DHCR7: variants seen among roughly 807,000 people sequenced by gnomAD.
DHCR7 encodes 7-dehydrocholesterol reductase.
DHCR7 carries 40 observed loss-of-function variants against 43.3 expected under a neutral mutation model. That is an observed-to-expected ratio of 0.92 (90% CI 0.72 to 1.20). The LOEUF (loss-of-function observed/expected upper bound fraction) is 1.20, where lower values mean the gene tolerates loss of function less well. Among genes scored for constraint, DHCR7 ranks in the 50% most tolerant of loss-of-function variants. The pLI is 0.00. For synonymous variants in DHCR7, 298 were observed against 271.4 expected, an observed-to-expected ratio of 1.10 and a Z score of -0.96; for missense variants, 608 against 644.6, an observed-to-expected ratio of 0.94 and a Z score of 0.62.
chr11:71,430,111 C>T (rs1949221165), downstream of DHCR7, among the ~76,000 whole-genome samples: 1 of 152,212 alleles, frequency 6.6e-6, no homozygotes, highest in African/African-American at 2.4e-5. Context: ...ATCTGCCCAT[C>T]CTGATGAAAT....
At chr11:71,438,358 C>T (rs1057486630) in intron 7 of DHCR7, among the ~76,000 whole-genome samples, 1 of 152,194 alleles carries the variant, frequency 6.6e-6, no homozygotes, top group African/African-American at 2.4e-5. Context: ...CCGAATGCAC[C>T]TGATCGCTGC....
intron 6 of DHCR7, 109 bp downstream of exon 6, chr11:71,441,118 G>C (rs544442123): frequency 9.8e-7 from 1 of 1,016,598 alleles, no homozygotes; most frequent in Non-Finnish European, 1.5e-6. Flanking sequence ...CCTCTTCCAC[G>C]GATTCTCAGT....
intron 4 of DHCR7, 82 bp downstream of exon 4, chr11:71,443,911 C>A (rs561574250): frequency 1.8e-5 from 21 of 1,158,904 alleles, no homozygotes; most frequent in Non-Finnish European, 2.4e-5. Flanking sequence ...GATCCATGTC[C>A]CAGACAAATG....
At position 71,441,213 on chromosome 11, in the gene DHCR7, T is replaced by C; in HGVS notation, c.626+14A>G. ...ACTTTCTACATCAGGCTGGACCCGC[T>C]GCTAAGAACATACCAGTCTCTGGCG... On this transcript the variant is annotated intron_variant, in intron 6 of 8. Transcript: ENST00000355527. 6.2e-7 allele frequency: 1 copy of C among 1,613,762 alleles called. No individual in the cohort carries two copies. Among genetic ancestry groups the C allele is most frequent in the Non-Finnish European group, 8.5e-7 (1 of 1,179,652 alleles).
Position 71,435,216 on chromosome 11 carries a change from G to T in DHCR7, c.*159C>A. ...CTTGAAGGCAAAAGCAAGGAACAGA[G>T]CGTGATTAGGTACTGGACACCTGCC... On this transcript the variant is annotated 3_prime_UTR_variant, in exon 9 of 9. Transcript: ENST00000355527. 2 of 746,098 alleles carry T rather than the reference G, an allele frequency of 2.7e-6. No homozygotes were observed. The highest frequency in any genetic ancestry group is 2.3e-6 in the Non-Finnish European group (1 of 432,726). 46.2% of individuals were successfully genotyped at this position (746,098 alleles called of 1,614,324 possible).
At position 71,444,091 on chromosome 11, in the gene DHCR7, T is replaced by G; in HGVS notation, c.223A>C (p.Ile75Leu). ...GAGAGCCGAGCATGTCCGGTGACGA[T>G]GTCCACCACAGGGCCAGTCAGGGCG... The part of the protein sequence containing the change: ...SCALTGPVVD[I>L]VTGHARLSDI... Residue 75 changes from isoleucine to leucine, a missense_variant, in exon 4 of 9, where the codon ATC becomes CTC. Ile to Leu is a conservative substitution (Grantham distance 5). Transcript: ENST00000355527. 2 of 1,613,624 alleles carry G rather than the reference T, an allele frequency of 1.2e-6. No homozygotes were observed. The highest frequency in any genetic ancestry group is 2.2e-5 in the South Asian group (2 of 90,902).
In DHCR7 at chr11:71,435,593, G is replaced by C. The variant is rs61757582; in HGVS notation, c.1210C>G (p.Arg404Gly). Residue 404 changes from arginine to glycine, a missense_variant, in exon 9 of 9, where the codon CGC becomes GGC. Transcript: ENST00000355527. ...LLVSGFWGVA[R>G]HFNYVGDLMG... ...AGGTCGCCGACGTAGTTGAAGTGGC[G>C]GGCCACGCCCCAGAAGCCCGACACC... 7 of 1,609,664 alleles carry C rather than the reference G, an allele frequency of 4.3e-6. No homozygotes were observed. Among genetic ancestry groups the C allele is most frequent in the Non-Finnish European group, 5.1e-6 (6 of 1,179,660 alleles).
chr11:71,430,863 G>T (rs1321369625), downstream of DHCR7, among the ~76,000 whole-genome samples: 1 of 152,172 alleles, frequency 6.6e-6, no homozygotes, highest in Admixed American at 6.5e-5. Context: ...GCAGTAAAAG[G>T]TTAAAACTAG....
intron 2 of DHCR7, among the ~76,000 whole-genome samples, chr11:71,445,266 C>T (rs1022816022): frequency 6.6e-6 from 1 of 152,252 alleles, no homozygotes; most frequent in Non-Finnish European, 1.5e-5. Context: ...CTCCCTCCTA[C>T]ACACCACTCT....
chr11:71,439,157 G>T, intron 6 of DHCR7, 74 bp from the exon 7 acceptor site: 1 of 1,449,574 alleles, frequency 6.9e-7, no homozygotes, highest in Non-Finnish European at 9.5e-7. Context: ...TACTTAGCGA[G>T]AGCCCAGCAC....
chr11:71,439,050 C>A lies in DHCR7; in HGVS notation c.660G>T (p.Met220Ile), dbSNP rs767377692. The change falls in exon 7 of 9, where the codon ATG becomes ATT. Residue 220 changes from methionine (M) to isoleucine (I), a missense_variant. Physicochemically the swap from Met to Ile is conservative, Grantham distance 10. Transcript: ENST00000355527. ...KFTGNFFYNY[M>I]MGIEFNPRIG... ...TCCGAGGGTTAAACTCGATGCCCAT[C>A]ATGTAGTTGTAAAAGAAATTGCCTG... is the stretch of plus-strand genomic sequence containing the variant. The A allele has an allele frequency of 1.2e-6, 2 of 1,614,088 alleles. No individual in the cohort carries two copies. The highest frequency in any genetic ancestry group is 1.7e-6 in the Non-Finnish European group (2 of 1,180,042).
intron 3 of DHCR7, 29 bp downstream of exon 3, chr11:71,444,826 C>A (rs1159241681): frequency 6.3e-7 from 1 of 1,598,520 alleles, no homozygotes; most frequent in Non-Finnish European, 8.6e-7. Context: ...ACTTTACTTT[C>A]TAGCTGGGAG....
chr11:71,448,253 T>C (rs1949425686), intron 1 of DHCR7, 37 bp downstream of exon 1: 2 of 154,618 alleles, frequency 1.3e-5, no homozygotes, highest in South Asian at 1.9e-4. Flanking sequence ...GCGCACACCT[T>C]CCCCTGGCCT....
rs142213147 is a variant in DHCR7 at position 71,435,718 on chromosome 11, C to A, written c.1085G>T (p.Arg362Leu). 1 of 1,612,866 alleles carries A rather than the reference C, an allele frequency of 6.2e-7. No individual in the cohort carries two copies. Among genetic ancestry groups the A allele is most frequent in the South Asian group, 1.1e-5 (1 of 91,084 alleles). The change falls in exon 9 of 9, where the codon CGC (arginine) becomes CTC (leucine). Residue 362 changes from arginine to leucine, a missense_variant. Transcript: ENST00000355527. Reference protein sequence around the residue: ...RVANHQKDLFRRTDGRCLIWG... With the variant: ...RVANHQKDLFLRTDGRCLIWG... Reference sequence around the variant, plus strand: ...GATGAGGCAGCGCCCATCCGTGCGGCGGAACAGGTCCTTCTGGTGGTTGGC... The same window carrying A: ...GATGAGGCAGCGCCCATCCGTGCGGAGGAACAGGTCCTTCTGGTGGTTGGC...
At chr11:71,428,671 G>A in exon 3 of DHCR7, 1 of 361,322 alleles carries the variant, frequency 2.8e-6, no homozygotes, top group Non-Finnish European at 5.4e-6. Flanking sequence ...GTATTCCAAG[G>A]TACAGAGGGC....
downstream of DHCR7, among the ~76,000 whole-genome samples, chr11:71,432,883 TA>T (rs1949237506): frequency 6.6e-6 from 1 of 152,204 alleles, no homozygotes; most frequent in Non-Finnish European, 1.5e-5. Flanking sequence ...AATTGATTGT[TA>T]AATGTGGACC....
intron 6 of DHCR7, among the ~76,000 whole-genome samples, chr11:71,440,812 A>T (rs1164144694): frequency 6.6e-6 from 1 of 152,062 alleles, no homozygotes; most frequent in East Asian, 1.9e-4. Context: ...GAATGGGTAC[A>T]AGCCAGCAGG....
intron 2 of DHCR7, among the ~76,000 whole-genome samples, chr11:71,429,110 C>T (rs1792275): frequency 0.84 from 128,494 of 152,138 alleles, 55,480 homozygotes; most frequent in Non-Finnish European, 0.95. Flanking sequence ...AGCTTGGCGG[C>T]CGATGTCTTG....
In DHCR7 at chr11:71,435,627, GC is replaced by G. The variant is rs1171385030; in HGVS notation, c.1175del (p.Ser392ThrfsTer21). On this transcript the variant is annotated frameshift_variant, in exon 9 of 9. Coordinates refer to ENST00000355527, the MANE Select transcript of DHCR7 (RefSeq NM_001360.3). LOFTEE classifies it high-confidence loss of function. ...CCCAGAAGCCCGACACCAGCAGCTTGCTGTGGTGCCTCTGCCCATCGGCGGA... is the reference window on the plus strand; with the variant it reads ...CCCAGAAGCCCGACACCAGCAGCTTGTGTGGTGCCTCTGCCCATCGGCGGA... Reference protein sequence around the residue: ...YTSADGQRHHSKLLVSGFWGV... With the variant: ...YTSADGQRHHXKLLVSGFWGV... 6.2e-7 allele frequency: 1 copy of G among 1,611,602 alleles called. No individual in the cohort carries two copies. Among genetic ancestry groups the G allele is most frequent in the Non-Finnish European group, 8.5e-7 (1 of 1,179,854 alleles).
Sources: allele counts gnomAD v4.1 joint callset (sites outside exome capture counted in the v4.1 genomes callset), GRCh38; gene constraint gnomAD v4.1.1; transcripts MANE v1.5; gene names NCBI Gene and HGNC (gene_info 2026-07-23, HGNC 2026-07-21).